TEX10: variants seen among roughly 807,000 people sequenced by gnomAD.
TEX10 encodes testis-expressed protein 10.
Under a neutral mutation model 104.4 loss-of-function variants are expected in TEX10, and 24 were observed. The observed-to-expected ratio is 0.23, with a 90% confidence interval of 0.17 to 0.32. The LOEUF (loss-of-function observed/expected upper bound fraction) is 0.32. Ranked by LOEUF, TEX10 falls within the 10% of genes least tolerant of loss-of-function variation. The probability of loss-of-function intolerance (pLI) is 1.00; values close to 1 mark genes in which losing one functional copy is unlikely to be tolerated. For synonymous variants in TEX10, 396 were observed against 393.4 expected (o/e 1.01, Z -0.08); for missense variants, 921 against 1,083.9 (o/e 0.85, Z 2.11).
chr9:100,352,325 C>G lies in TEX10; in HGVS notation c.-10+447G>C. On this transcript the variant is annotated intron_variant, in intron 1 of 14. Coordinates refer to ENST00000374902, the MANE Select transcript of TEX10 (RefSeq NM_017746.4). The stretch of plus-strand genomic sequence containing the variant: ...TGGTAGTCCCCTTCCGCTCGCTTAA[C>G]TCTCCCGCCTGGGCGACCAGAGGAC... 3.9e-6 allele frequency: 6 copies of G among 1,547,600 alleles called. No homozygotes were observed. In the Admixed American group the frequency reaches 1.2e-4, roughly 30 times the overall value.
chr9:100,322,996 A>C (rs529109599), intron 9 of TEX10, among the ~76,000 whole-genome samples: 1 of 152,304 alleles, frequency 6.6e-6, no homozygotes, highest in African/African-American at 2.4e-5. Context: ...TGATAAGCAA[A>C]GGTCTATGGG....
intron 10 of TEX10, among the ~76,000 whole-genome samples, chr9:100,320,886 TACC>T (rs1386893726): frequency 1.3e-5 from 2 of 152,296 alleles, no homozygotes; most frequent in Admixed American, 1.3e-4. Context: ...TAGTTCCCCT[TACC>T]ACCTCTATTT....
intron 4 of TEX10, among the ~76,000 whole-genome samples, chr9:100,340,595 C>A (rs1251710054): frequency 2.0e-5 from 3 of 152,128 alleles, no homozygotes; most frequent in Non-Finnish European, 4.4e-5. Flanking sequence ...TGCATTCTGT[C>A]TGCTGCTTAA....
In TEX10 at chr9:100,327,037, G is replaced by A. The variant is rs1038051578; in HGVS notation, c.1802-558C>T. ...AAAGTATTGATACTTGTTACAACAC[G>A]GACAAATCTTGAAAATATTATGCTA... On this transcript the variant is annotated intron_variant, in intron 8 of 14. Coordinates refer to ENST00000374902, the MANE Select transcript of TEX10 (RefSeq NM_017746.4). Among the ~76,000 whole-genome samples the A allele has an allele frequency of 5.9e-5, 9 of 152,138 alleles. No homozygotes were observed. The East Asian group carries it at 9.7e-4, about 16-fold the overall frequency.
intron 11 of TEX10, among the ~76,000 whole-genome samples, chr9:100,316,506 T>C (rs1834421121): frequency 1.3e-5 from 2 of 151,962 alleles, no homozygotes; most frequent in African/African-American, 2.4e-5. Context: ...CTATTCAACA[T>C]AGTACGGGAC....
intron 4 of TEX10, 118 bp downstream of exon 4, chr9:100,345,954 C>G (rs891966382): frequency 1.7e-6 from 2 of 1,144,524 alleles, no homozygotes; most frequent in African/African-American, 1.6e-5. Flanking sequence ...ACAGTTAAAC[C>G]CAGGGTACTT....
At chr9:100,338,573 T>C (rs550517219) in intron 5 of TEX10, among the ~76,000 whole-genome samples, 2 of 152,270 alleles carry the variant, frequency 1.3e-5, no homozygotes, top group South Asian at 4.1e-4. Context: ...TTAACAATTA[T>C]TTACATTAAA....
At chr9:100,352,519 T>C in intron 1 of TEX10, 3 of 1,550,254 alleles carry the variant, frequency 1.9e-6, no homozygotes, top group South Asian at 2.4e-5. Flanking sequence ...GGGCTAAAAC[T>C]CTCTCGGACC....
At chr9:100,330,780 TG>T (rs1350512273) in intron 5 of TEX10, among the ~76,000 whole-genome samples, 1 of 152,230 alleles carries the variant, frequency 6.6e-6, no homozygotes, top group Admixed American at 6.5e-5. Context: ...TTTCAGACTG[TG>T]GTATATTCAA....
intron 13 of TEX10, chr9:100,304,106 G>A: frequency 2.0e-6 from 1 of 508,388 alleles, no homozygotes; most frequent in South Asian, 2.2e-5. Flanking sequence ...AGATGACACA[G>A]ATAAATGGAA....
intron 5 of TEX10, among the ~76,000 whole-genome samples, chr9:100,338,381 G>A (rs141012779): frequency 9.6e-4 from 146 of 152,234 alleles, no homozygotes; most frequent in African/African-American, 3.2e-3. Context: ...CCAGCCCTAT[G>A]GGGTTCTTGC....
Position 100,310,328 on chromosome 9 carries a change from T to C in TEX10, c.2254A>G (p.Ile752Val), listed in dbSNP as rs1834243616. Residue 752 changes from isoleucine (I) to valine (V), a missense_variant, in exon 12 of 15, where the codon ATC (isoleucine) becomes GTC (valine). By Grantham distance (29) the Ile-to-Val change is conservative. Transcript: ENST00000374902. ...TGCTTACTGATGGCACTTTGCAAGA[T>C]GTCAAAGTTCTGACTTCGGGCAGGA... is the stretch of plus-strand genomic sequence containing the variant. ...VIPARSQNFD[I>V]LQSAISKHLV... is the part of the protein sequence containing the mutation. 2.5e-6 allele frequency: 4 copies of C among 1,614,042 alleles called. No individual in the cohort carries two copies. The highest frequency in any genetic ancestry group is 1.3e-5 in the African/African-American group (1 of 74,940).
At position 100,318,865 on chromosome 9, in the gene TEX10, G is replaced by C. The variant is rs189614227; in HGVS notation, c.2202+1400C>G. Among the ~76,000 whole-genome samples, 19 of 152,176 alleles carry C rather than the reference G, an allele frequency of 1.2e-4. No individual in the cohort carries two copies. In the East Asian group the frequency reaches 3.1e-3, roughly 25 times the overall value. On this transcript the variant is annotated intron_variant, in intron 11 of 14. Coordinates refer to ENST00000374902, the MANE Select transcript of TEX10 (RefSeq NM_017746.4). The stretch of plus-strand genomic sequence containing the variant: ...GATCACTTGAGCCCAGGAATTCAAG[G>C]CCAGCCTGGGCAAAATAGCAAGATC...
chr9:100,315,246 G>T (rs1834387326), intron 11 of TEX10, among the ~76,000 whole-genome samples: 1 of 152,150 alleles, frequency 6.6e-6, no homozygotes, highest in African/African-American at 2.4e-5. Context: ...TTGTTGAGTA[G>T]AATATTCTAT....
chr9:100,339,330 A>G lies in TEX10; in HGVS notation c.1250+927T>C, dbSNP rs576318412. Among the ~76,000 whole-genome samples, 10 of 133,038 alleles carry G rather than the reference A, an allele frequency of 7.5e-5. No homozygotes were observed. In the South Asian group the frequency reaches 2.3e-3, roughly 31 times the overall value. The allele number at this position is 133,038 out of a possible 152,430, so 87.3% of individuals were successfully genotyped here. Reference sequence around the variant, plus strand: ...ACATATTTGTTTTTTATATATATTTATATATTATATATAATATACATTTTT... The same window carrying G: ...ACATATTTGTTTTTTATATATATTTGTATATTATATATAATATACATTTTT... On this transcript the variant is annotated intron_variant, in intron 5 of 14. Coordinates refer to ENST00000374902, the MANE Select transcript of TEX10 (RefSeq NM_017746.4).
In TEX10 at chr9:100,349,252, T is replaced by C. The variant is rs776609781; in HGVS notation, c.112A>G (p.Ile38Val). 1.3e-5 allele frequency: 21 copies of C among 1,606,220 alleles called. No homozygotes were observed. The highest frequency in any genetic ancestry group is 8.1e-5 in the African/African-American group (6 of 74,504). ...ATPTNFKTKT[I>V]HLPEQLKEDG... ...TCTTTGAGTTGCTCAGGCAGATGTA[T>C]AGTCTTTGTTTTAAAGTTTGTAGGA... Residue 38 changes from isoleucine to valine, a missense_variant, in exon 2 of 15, where the codon ATA becomes GTA. Ile to Val is a conservative substitution (Grantham distance 29). This residue lies in a region of TEX10 where 118 missense variants were observed against 111.3 expected (regional missense o/e 1.06). Transcript: ENST00000374902.
intron 4 of TEX10, among the ~76,000 whole-genome samples, 194 bp downstream of exon 4, chr9:100,345,878 T>C (rs1200690448): frequency 6.6e-6 from 1 of 152,050 alleles, no homozygotes; most frequent in Non-Finnish European, 1.5e-5. Context: ...AATATATATA[T>C]ATATATATTC....
rs560485700 is a variant in TEX10, at chr9:100,343,462, C to T, written c.1137+2610G>A. ...ATATGAACAGGAAAAAAAAAAGATA[C>T]ACACAGTATTTCAGAAATAAACAAC... On this transcript the variant is annotated intron_variant, in intron 4 of 14. Transcript: ENST00000374902. 5.6e-4 allele frequency among the ~76,000 whole-genome samples: 85 copies of T among 150,946 alleles called. No homozygotes were observed. The South Asian group carries it at 0.017, about 30-fold the overall frequency.
At chr9:100,319,180 G>A (rs952242148) in intron 11 of TEX10, among the ~76,000 whole-genome samples, 19 of 151,976 alleles carry the variant, frequency 1.3e-4, no homozygotes, top group Non-Finnish European at 2.6e-4. Flanking sequence ...CGACAAAAGC[G>A]AGACTCCATC....
Sources: allele counts gnomAD v4.1 joint callset (sites outside exome capture counted in the v4.1 genomes callset), GRCh38; gene constraint gnomAD v4.1.1; regional missense constraint gnomAD v4.1.1; transcripts MANE v1.5; gene names NCBI Gene and HGNC (gene_info 2026-07-23, HGNC 2026-07-21).